The following JMJD1C variants were observed in gnomAD, a reference collection of about 807,000 sequenced individuals.
The protein encoded by JMJD1C is jumonji domain containing 1C.
A neutral mutation model predicts 245.3 loss-of-function variants in JMJD1C; 31 were observed. That is an observed-to-expected ratio of 0.13 (90% CI 0.09 to 0.17). JMJD1C has a LOEUF of 0.17. Among genes scored for constraint, JMJD1C ranks in the 10% least tolerant of loss-of-function variants. JMJD1C has a pLI of 1.00. For missense variants in JMJD1C, 2,691 were observed against 3,000.2 expected (o/e 0.90, Z 2.41); for synonymous variants, 1,057 against 1,017.4 (o/e 1.04, Z -0.74).
chr10:63,280,774 G>A (rs988377225), intron 2 of JMJD1C, among the ~76,000 whole-genome samples: 5 of 152,020 alleles, frequency 3.3e-5, no homozygotes, highest in African/African-American at 9.7e-5. Context: ...ATATAAAGAA[G>A]CATAAAATAA....
At chr10:63,170,973 T>C (rs1842294909) in intron 24 of JMJD1C, among the ~76,000 whole-genome samples, 1 of 152,170 alleles carries the variant, frequency 6.6e-6, no homozygotes, top group Non-Finnish European at 1.5e-5. Flanking sequence ...GTATTCATAG[T>C]AGGAAGGTTA....
chr10:63,476,909 C>T (rs1424785264), intron 1 of JMJD1C, among the ~76,000 whole-genome samples: 2 of 151,948 alleles, frequency 1.3e-5, no homozygotes, highest in African/African-American at 4.8e-5. Flanking sequence ...GGAAAATATG[C>T]AAACTAAAAG....
At chr10:63,362,131 G>A (rs1945416941) in intron 2 of JMJD1C, among the ~76,000 whole-genome samples, 2 of 151,750 alleles carry the variant, frequency 1.3e-5, no homozygotes, top group South Asian at 4.2e-4. Context: ...GCTACTAGGG[G>A]TGCTGAGGCA....
In JMJD1C at chr10:63,207,685, A is replaced by T. The variant is rs1904294; in HGVS notation, c.3984T>A (p.Arg1328=). The change falls in exon 10 of 26, where the codon CGT becomes CGA. Residue 1328 remains arginine (R), a synonymous_variant. Transcript: ENST00000399262. ...CCCCAGCTGAAGATCTTTCACTAAC[A>T]CGATCTTTAGAAGCTAACTGCATTG... ...MPAMQLASKD[R]VSERSSAGAH... is the part of the protein sequence containing the mutation. 1,609,742 of 1,614,178 alleles carry T rather than the reference A, an allele frequency of 1. 802,773 individuals carry two copies. Among genetic ancestry groups the T allele is most frequent in the East Asian group, 1 (44,888 of 44,888 alleles).
At chr10:63,480,130 C>A (rs1953785357) in intron 1 of JMJD1C, among the ~76,000 whole-genome samples, 1 of 151,974 alleles carries the variant, frequency 6.6e-6, no homozygotes, top group Admixed American at 6.6e-5. Flanking sequence ...TAGTTGTAGT[C>A]CAGAGTTTGT....
chr10:63,521,420 T>C (rs1225834820), intron 1 of JMJD1C: 39 of 338,572 alleles, frequency 1.2e-4, no homozygotes, highest in African/African-American at 7.4e-4. Flanking sequence ...GCCCGGCTCC[T>C]GAGGGCGCCA....
chr10:63,290,466 C>A (rs886692023), intron 2 of JMJD1C, among the ~76,000 whole-genome samples: 7 of 152,194 alleles, frequency 4.6e-5, no homozygotes, highest in African/African-American at 1.2e-4. Context: ...GAGGCTGAGG[C>A]ACGAGAATCG....
intron 2 of JMJD1C, among the ~76,000 whole-genome samples, chr10:63,281,817 A>G (rs1187069730): frequency 1.3e-5 from 2 of 152,128 alleles, no homozygotes; most frequent in Non-Finnish European, 2.9e-5. Context: ...CTGTGGGAAT[A>G]AGAAATATTA....
At chr10:63,258,763 T>A (rs1854310733) in intron 3 of JMJD1C, among the ~76,000 whole-genome samples, 1 of 152,380 alleles carries the variant, frequency 6.6e-6, no homozygotes, top group South Asian at 2.1e-4. Flanking sequence ...TCATTTTTTA[T>A]GTCAGTTCTT....
exon 1 of JMJD1C, chr10:63,521,779 G>A: frequency 3.0e-6 from 1 of 336,898 alleles, no homozygotes; most frequent in Non-Finnish European, 5.4e-6. Flanking sequence ...ACGGCCGAGG[G>A]CCTAGCTGCG....
rs1008555814 is a variant in JMJD1C, at chr10:63,198,201, T to C, written c.5491+312A>G. 1.2e-4 allele frequency among the ~76,000 whole-genome samples: 19 copies of C among 152,326 alleles called. No homozygotes were observed. In the East Asian group the frequency reaches 3.7e-3, roughly 29 times the overall value. ...AAAGCTGAGATTCCAATACAAATAA[T>C]TGGGGTAGATTATGTCTTTATAAGC... On this transcript the variant is annotated intron_variant, in intron 12 of 25. Transcript: ENST00000399262.
chr10:63,169,928 T>C (rs1842195030), intron 24 of JMJD1C, among the ~76,000 whole-genome samples: 1 of 152,172 alleles, frequency 6.6e-6, no homozygotes, highest in Non-Finnish European at 1.5e-5. Context: ...CTGCGGTGTC[T>C]TGTCTAACAG....
At chr10:63,350,805 G>C (rs1362312002) in intron 2 of JMJD1C, among the ~76,000 whole-genome samples, 1 of 151,596 alleles carries the variant, frequency 6.6e-6, no homozygotes, top group East Asian at 2.0e-4. Flanking sequence ...TTGTTTAGTA[G>C]AGACGGGGTT....
chr10:63,271,573 T>TA (rs1382160308), intron 2 of JMJD1C, among the ~76,000 whole-genome samples: 2 of 151,794 alleles, frequency 1.3e-5, no homozygotes, highest in South Asian at 2.1e-4. Flanking sequence ...TTTTTTGAGA[T>TA]AGAGTTTCGC....
At chr10:63,208,927 T>C (rs1242610823) in intron 9 of JMJD1C, 126 bp from the exon 10 acceptor site, 4 of 1,049,436 alleles carry the variant, frequency 3.8e-6, no homozygotes, top group African/African-American at 1.6e-5. Flanking sequence ...AATACTATAA[T>C]AAATTTGAAG....
chr10:63,402,152 A>AAC (rs1948903746), intron 1 of JMJD1C, among the ~76,000 whole-genome samples: 1 of 151,820 alleles, frequency 6.6e-6, no homozygotes, highest in African/African-American at 2.4e-5. Context: ...AGAAAAAAAA[A>AAC]CAAAAAAAGT....
chr10:63,500,301 T>C (rs572518008), intron 1 of JMJD1C, among the ~76,000 whole-genome samples: 104 of 152,030 alleles, frequency 6.8e-4, no homozygotes, highest in African/African-American at 2.4e-3. Context: ...TGCACACTTG[T>C]AGTCCCAGCC....
At chr10:63,244,290 C>A (rs1184152133) in intron 3 of JMJD1C, among the ~76,000 whole-genome samples, 5 of 152,150 alleles carry the variant, frequency 3.3e-5, no homozygotes, top group Non-Finnish European at 7.4e-5. Flanking sequence ...GGGACCACTG[C>A]AATTTGGGAC....
At chr10:63,374,755 T>C (rs1384883700) in intron 2 of JMJD1C, among the ~76,000 whole-genome samples, 1 of 152,202 alleles carries the variant, frequency 6.6e-6, no homozygotes. Context: ...AAAATGATCC[T>C]AAATTACTAC....
Sources: allele counts gnomAD v4.1 joint callset (sites outside exome capture counted in the v4.1 genomes callset), GRCh38; gene constraint gnomAD v4.1.1; transcripts MANE v1.5; gene names NCBI Gene and HGNC (gene_info 2026-07-23, HGNC 2026-07-21).